Variants in GEMIN5 observed in about 807,000 individuals in gnomAD.
GEMIN5 encodes gem-associated protein 5.
GEMIN5 carries 124 observed loss-of-function variants against 176.9 expected under a neutral mutation model. The observed-to-expected ratio is 0.70, with a 90% CI of 0.61 to 0.81. The LOEUF is 0.81. Ranked by LOEUF, GEMIN5 falls within the 40% of genes least tolerant of loss-of-function variation. GEMIN5 has a pLI of 0.00. For missense variants in GEMIN5, 1,843 were observed against 1,814.6 expected (o/e 1.02, Z -0.28); for synonymous variants, 673 against 665.2 (o/e 1.01, Z -0.18).
At chr5:154,901,235 G>T in intron 21 of GEMIN5, 104 bp downstream of exon 21, 2 of 1,077,882 alleles carry the variant, frequency 1.9e-6, no homozygotes, top group Non-Finnish European at 2.7e-6. Flanking sequence ...GGGGGCTGAA[G>T]CAGGAGGACT....
intron 7 of GEMIN5, 31 bp downstream of exon 7, chr5:154,927,354 T>C (rs1244288930): frequency 6.7e-7 from 1 of 1,486,420 alleles, no homozygotes; most frequent in Admixed American, 1.7e-5. Context: ...ACTGCTGCTC[T>C]ACAATGCTGA....
In GEMIN5 at chr5:154,917,013, G is replaced by A. The variant is rs1763824500; in HGVS notation, c.1840C>T (p.Leu614=). 1 of 1,587,278 alleles carries A rather than the reference G, an allele frequency of 6.3e-7. No individual in the cohort carries two copies. The highest frequency in any genetic ancestry group is 8.6e-7 in the Non-Finnish European group (1 of 1,160,104). ...SNNAVIYVHN[L]KTVIESSPES... ...CCAAAGTTACCTATGACAGTCTTCA[G>A]GTTGTGCACGTAAATGACTGCATTG... The change falls in exon 13 of 28, where the codon CTG becomes TTG. Residue 614 remains leucine (L), a synonymous_variant. Coordinates refer to ENST00000285873, the MANE Select transcript of GEMIN5 (RefSeq NM_015465.5).
At chr5:154,937,788 A>G (rs934953612) in intron 1 of GEMIN5, among the ~76,000 whole-genome samples, 180 bp downstream of exon 1, 1 of 152,192 alleles carries the variant, frequency 6.6e-6, no homozygotes, top group Non-Finnish European at 1.5e-5. Flanking sequence ...GCTCGGCCAC[A>G]GCATGGTGTA....
intron 3 of GEMIN5, among the ~76,000 whole-genome samples, chr5:154,935,249 T>C (rs1764243925): frequency 6.6e-6 from 1 of 152,268 alleles, no homozygotes; most frequent in Non-Finnish European, 1.5e-5. Flanking sequence ...TGTGTATCTC[T>C]ATTGCCTTAG....
intron 9 of GEMIN5, among the ~76,000 whole-genome samples, chr5:154,923,822 T>C (rs1763973953): frequency 6.6e-6 from 1 of 152,204 alleles, no homozygotes; most frequent in African/African-American, 2.4e-5. Context: ...TTCTATTTCA[T>C]TTTAATTACT....
chr5:154,934,373 A>T (rs1764223789), intron 3 of GEMIN5, among the ~76,000 whole-genome samples: 1 of 151,964 alleles, frequency 6.6e-6, no homozygotes, highest in Non-Finnish European at 1.5e-5. Flanking sequence ...TTTAATAGAG[A>T]CGGGGTTTCT....
chr5:154,891,712 TC>T lies in GEMIN5; in HGVS notation c.3790del (p.Asp1264ThrfsTer40). On this transcript the variant is annotated frameshift_variant, in exon 26 of 28. Transcript: ENST00000285873. LOFTEE classifies it high-confidence loss of function. ...GCDHLRDKLG[D>X]HQSPATPAFK... ...AGCTGGTGTGGCAGGGGATTGATGG[TC>T]CCCCAACTTGTCTCTTAGGTGGTCA... 6.2e-7 allele frequency: 1 copy of T among 1,603,950 alleles called. No homozygotes were observed. Among genetic ancestry groups the T allele is most frequent in the East Asian group, 2.2e-5 (1 of 44,848 alleles).
intron 24 of GEMIN5, 52 bp downstream of exon 24, chr5:154,896,039 AG>A (rs1406237117): frequency 6.3e-7 from 1 of 1,591,608 alleles, no homozygotes; most frequent in Non-Finnish European, 8.6e-7. Flanking sequence ...ACATGGATTA[AG>A]GAAGTCTTAC....
rs1445108932 is a variant in GEMIN5 at position 154,928,641 on chromosome 5, A to G, written c.800T>C (p.Leu267Ser). The change falls in exon 6 of 28, where the codon TTG (leucine) becomes TCG (serine). Residue 267 changes from leucine to serine, a missense_variant. Coordinates refer to ENST00000285873, the MANE Select transcript of GEMIN5 (RefSeq NM_015465.5). ...SRGRGVMILK[L>S]PFLKRRGGGI... The stretch of plus-strand genomic sequence containing the variant: ...CCCTCCTCTTCTCTTCAGAAAGGGC[A>G]ATTTCAAAATCATCACCCCTGCAGA... The G allele has an allele frequency of 6.2e-7, 1 of 1,614,020 alleles. No individual in the cohort carries two copies. The highest frequency in any genetic ancestry group is 2.2e-5 in the East Asian group (1 of 44,880).
At position 154,937,034 on chromosome 5, in the gene GEMIN5, T is replaced by C; in HGVS notation, c.318A>G (p.Ala106=). 6.2e-7 allele frequency: 1 copy of C among 1,613,110 alleles called. No individual in the cohort carries two copies. The highest frequency in any genetic ancestry group is 8.5e-7 in the Non-Finnish European group (1 of 1,179,344). The change falls in exon 2 of 28, where the codon GCA becomes GCG. Residue 106 remains alanine, a synonymous_variant. Transcript: ENST00000285873. ...CAGTAAGCCATGGTACCTGATGGAG[T>C]GCATGTTCTGTCACAACTGTTTTTG... The part of the protein sequence containing the change: ...VETKTVVTEH[A]LHQHTISTLH...
chr5:154,936,912 G>C, intron 2 of GEMIN5, 113 bp downstream of exon 2: 1 of 766,290 alleles, frequency 1.3e-6, no homozygotes, highest in Non-Finnish European at 2.1e-6. Flanking sequence ...TCTAATTAAT[G>C]AACACAATTA....
intron 11 of GEMIN5, 94 bp from the exon 12 acceptor site, chr5:154,918,098 G>GTT: frequency 1.3e-6 from 1 of 744,824 alleles, no homozygotes; most frequent in South Asian, 1.5e-5. Context: ...GTTTAAAAAC[G>GTT]TTTTAATTAT....
chr5:154,932,048 T>A, intron 4 of GEMIN5, 51 bp downstream of exon 4: 2 of 1,320,534 alleles, frequency 1.5e-6, no homozygotes, highest in Non-Finnish European at 2.1e-6. Flanking sequence ...TTGTACCCGT[T>A]CTGTTCTTCA....
In GEMIN5 at chr5:154,911,867, C is replaced by A; in HGVS notation, c.2027G>T (p.Cys676Phe). ...VWDALREEPL[C>F]NFRGHRGRLL... ...TCGACCTCGATGTCCTCGGAAATTGCACAGGGGCTCTTCCCGGAGAGCATC... is the reference window on the plus strand; with the variant it reads ...TCGACCTCGATGTCCTCGGAAATTGAACAGGGGCTCTTCCCGGAGAGCATC... Residue 676 changes from cysteine (C) to phenylalanine (F), a missense_variant, in exon 15 of 28, where the codon TGC becomes TTC. Cys to Phe is a radical substitution (Grantham distance 205). Coordinates refer to ENST00000285873, the MANE Select transcript of GEMIN5 (RefSeq NM_015465.5). The A allele has an allele frequency of 1.2e-6, 2 of 1,614,074 alleles. No homozygotes were observed. Among genetic ancestry groups the A allele is most frequent in the Non-Finnish European group, 1.7e-6 (2 of 1,179,988 alleles).
At chr5:154,909,749 C>T (rs544831899) in intron 15 of GEMIN5, among the ~76,000 whole-genome samples, 2 of 152,160 alleles carry the variant, frequency 1.3e-5, no homozygotes, top group South Asian at 2.1e-4. Flanking sequence ...GAGGCTGAGG[C>T]GGGCAGATCA....
At chr5:154,907,525 G>T in intron 16 of GEMIN5, 66 bp downstream of exon 16, 1 of 1,111,356 alleles carries the variant, frequency 9.0e-7, no homozygotes, top group Non-Finnish European at 1.4e-6. Flanking sequence ...AACTGAGTAA[G>T]GACCTAGCTT....
chr5:154,891,110 G>A, intron 26 of GEMIN5, 131 bp downstream of exon 26: 1 of 580,676 alleles, frequency 1.7e-6, no homozygotes, highest in East Asian at 3.1e-5. Context: ...TGCCCGGGCT[G>A]GTGGTGAACT....
chr5:154,904,731 C>A (rs750384465), intron 17 of GEMIN5, 102 bp from the exon 18 acceptor site: 16 of 819,046 alleles, frequency 2.0e-5, no homozygotes, highest in Non-Finnish European at 3.0e-5. Flanking sequence ...GACGACACCA[C>A]AGGCAGAGAA....
intron 5 of GEMIN5, among the ~76,000 whole-genome samples, chr5:154,930,634 C>CA (rs1223449867): frequency 4.8e-4 from 73 of 152,092 alleles, no homozygotes; most frequent in Admixed American, 4.8e-3. Context: ...AGGAAATACT[C>CA]AGAGTAGTCA....
Sources: allele counts gnomAD v4.1 joint callset (sites outside exome capture counted in the v4.1 genomes callset), GRCh38; gene constraint gnomAD v4.1.1; transcripts MANE v1.5; gene names NCBI Gene and HGNC (gene_info 2026-07-23, HGNC 2026-07-21).